POU2AF1: variants seen among roughly 807,000 people sequenced by gnomAD.
POU2AF1 encodes the protein POU class 2 homeobox associating factor 1.
A neutral mutation model predicts 26.3 loss-of-function variants in POU2AF1; 12 were observed. The ratio of observed to expected loss-of-function variants is 0.46; its 90% CI spans 0.29 to 0.74. The LOEUF (loss-of-function observed/expected upper bound fraction) is 0.74, where lower values mean the gene tolerates loss of function less well. Among genes scored for constraint, POU2AF1 ranks in the 30% least tolerant of loss-of-function variants. The pLI is 0.09. For synonymous variants in POU2AF1, 175 were observed against 148.0 expected (o/e 1.18, Z -1.32); for missense variants, 297 against 334.5 (o/e 0.89, Z 0.87).
intron 1 of POU2AF1, chr11:111,377,656 A>C (rs975702203): frequency 5.8e-5 from 10 of 170,964 alleles, no homozygotes; most frequent in Non-Finnish European, 7.6e-5. Context: ...TTGCTCATAG[A>C]AGGTAGGAGC....
chr11:111,364,765 T>C (rs1176358089), intron 1 of POU2AF1, among the ~76,000 whole-genome samples: 2 of 152,168 alleles, frequency 1.3e-5, no homozygotes, highest in Non-Finnish European at 2.9e-5. Context: ...CTGAGAGTAC[T>C]CTCCATTCAC....
chr11:111,357,894 T>A (rs1208591241), intron 2 of POU2AF1, 57 bp from the exon 3 acceptor site: 1 of 1,507,044 alleles, frequency 6.6e-7, no homozygotes, highest in East Asian at 2.3e-5. Flanking sequence ...ACCGGCCCTG[T>A]GCAGAGAACT....
chr11:111,370,107 G>T (rs2135132879), intron 1 of POU2AF1, among the ~76,000 whole-genome samples: 1 of 152,300 alleles, frequency 6.6e-6, no homozygotes, highest in East Asian at 1.9e-4. Flanking sequence ...GGCTCATGGT[G>T]GCCTGGGGTG....
intron 1 of POU2AF1, among the ~76,000 whole-genome samples, chr11:111,372,053 C>CAGAGAGAGAGAGAGAGAG (rs1452632987): frequency 1.6e-5 from 2 of 128,168 alleles, no homozygotes; most frequent in African/African-American, 6.8e-5. Context: ...CACACACACA[C>CAGAGAGAGAGAGAGAGAG]ACACACACAC....
rs1318462806 is a variant in POU2AF1 at position 111,358,698 on chromosome 11, TCA to T, written c.147+88_147+89del. On this transcript the variant is annotated intron_variant, in intron 2 of 4. Transcript: ENST00000393067. ...CACATACACACACGCATACACATAC[TCA>T]CACACACATACACTCTCACACTATC... 3.2e-5 allele frequency: 46 copies of T among 1,450,638 alleles called. 1 individual carries two copies. The South Asian group carries it at 3.2e-4, about 10-fold the overall frequency. 89.9% of individuals were successfully genotyped at this position (1,450,638 alleles called of 1,614,324 possible). A position where few individuals can be genotyped will look rare whatever the true frequency, so the allele number is the denominator to read the frequency against.
intron 1 of POU2AF1, among the ~76,000 whole-genome samples, chr11:111,370,339 T>A (rs1591202954): frequency 6.6e-6 from 1 of 152,168 alleles, no homozygotes; most frequent in African/African-American, 2.4e-5. Flanking sequence ...TCCTCTTTAT[T>A]CACAAGAGAC....
At chr11:111,374,798 G>A (rs1002243159) in intron 1 of POU2AF1, among the ~76,000 whole-genome samples, 30 of 152,200 alleles carry the variant, frequency 2.0e-4, no homozygotes, top group African/African-American at 7.2e-4. Flanking sequence ...AGAAATATTA[G>A]AGGTTGTCCA....
At chr11:111,374,276 G>C (rs1485013619) in intron 1 of POU2AF1, among the ~76,000 whole-genome samples, 1 of 152,104 alleles carries the variant, frequency 6.6e-6, no homozygotes, top group East Asian at 1.9e-4. Flanking sequence ...TATCCATCAA[G>C]AACATCATCT....
At chr11:111,366,103 G>A (rs1181752829) in intron 1 of POU2AF1, among the ~76,000 whole-genome samples, 1 of 152,162 alleles carries the variant, frequency 6.6e-6, no homozygotes, top group Non-Finnish European at 1.5e-5. Flanking sequence ...GTTGGGTTTT[G>A]GCCAAAGGTT....
In POU2AF1 at chr11:111,362,351, C is replaced by T. The variant is rs116143738; in HGVS notation, c.17-3433G>A. Among the ~76,000 whole-genome samples the T allele has an allele frequency of 4.8e-3, 724 of 152,174 alleles. 10 individuals are homozygous for T. The highest frequency in any genetic ancestry group is 0.017 in the African/African-American group (686 of 41,518). ...TACTTTTAGTTATTTTTAAGTGTAC[C>T]ATAAATTATTGTTGACTATAGTCAC... On this transcript the variant is annotated intron_variant, in intron 1 of 4. Coordinates refer to ENST00000393067, the MANE Select transcript of POU2AF1 (RefSeq NM_006235.3).
chr11:111,360,735 G>A (rs1405743556), intron 1 of POU2AF1, among the ~76,000 whole-genome samples: 1 of 152,102 alleles, frequency 6.6e-6, no homozygotes, highest in Admixed American at 6.5e-5. Flanking sequence ...CACAAGGTCA[G>A]GAGATTAAGA....
intron 2 of POU2AF1, among the ~76,000 whole-genome samples, chr11:111,358,319 CGT>C (rs1339289094): frequency 2.1e-5 from 3 of 144,310 alleles, no homozygotes; most frequent in Non-Finnish European, 3.0e-5. Flanking sequence ...CTCTCACACA[CGT>C]ACTCTCTCAC....
At chr11:111,355,446 G>C (rs530071364) in intron 4 of POU2AF1, among the ~76,000 whole-genome samples, 1 of 152,322 alleles carries the variant, frequency 6.6e-6, no homozygotes, top group South Asian at 2.1e-4. Flanking sequence ...AGATAGAAGA[G>C]GATGCTCTCT....
At chr11:111,363,090 C>T in intron 1 of POU2AF1, 1 of 986,974 alleles carries the variant, frequency 1.0e-6, no homozygotes, top group Non-Finnish European at 1.2e-6. Flanking sequence ...GAGTATCACC[C>T]TCTAATGTCT....
intron 1 of POU2AF1, among the ~76,000 whole-genome samples, chr11:111,377,248 C>T (rs1054048626): frequency 2.7e-5 from 4 of 149,584 alleles, no homozygotes; most frequent in African/African-American, 7.3e-5. Flanking sequence ...GGTGTGGTGG[C>T]GGGCACCTGT....
Position 111,354,358 on chromosome 11 carries a change from C to T in POU2AF1, c.674G>A (p.Arg225Lys), listed in dbSNP as rs1256417642. The T allele has an allele frequency of 1.2e-6, 2 of 1,614,214 alleles. No individual in the cohort carries two copies. The highest frequency in any genetic ancestry group is 1.7e-5 in the Admixed American group (1 of 60,030). The change falls in exon 5 of 5, where the codon AGA becomes AAA. Residue 225 changes from arginine to lysine, a missense_variant. Transcript: ENST00000393067. The stretch of plus-strand genomic sequence containing the variant: ...GTCGATGGTCAACGAGCTGGCGGCT[C>T]TTCTGGGGTCTTCCATGTCCTGAAG... ...PVLQDMEDPRRAASSLTIDKL... is the reference protein window; with the variant it reads ...PVLQDMEDPRKAASSLTIDKL...
intron 1 of POU2AF1, among the ~76,000 whole-genome samples, chr11:111,373,007 T>C (rs970187196): frequency 1.3e-5 from 2 of 152,090 alleles, no homozygotes; most frequent in African/African-American, 4.8e-5. Context: ...GGATGGCAGA[T>C]TAGAAAGGAA....
rs1233619957 is a variant in POU2AF1, at chr11:111,352,606, G to C, written c.*1655C>G. On this transcript the variant is annotated 3_prime_UTR_variant, in exon 5 of 5. Transcript: ENST00000393067. ...GAGGGGGCCTTGGTTCCACAGAATGGTGGCTTATGGACGCTTTTAAGACAC... is the reference window on the plus strand; with the variant it reads ...GAGGGGGCCTTGGTTCCACAGAATGCTGGCTTATGGACGCTTTTAAGACAC... The C allele has an allele frequency of 1.7e-5, 3 of 179,468 alleles. No homozygotes were observed. The East Asian group carries it at 2.8e-4, about 17-fold the overall frequency. 11.1% of individuals were successfully genotyped at this position (179,468 alleles called of 1,614,324 possible). A position where few individuals can be genotyped will look rare whatever the true frequency, so the allele number is the denominator to read the frequency against.
At chr11:111,364,088 C>A (rs1299731759) in intron 1 of POU2AF1, 4 of 777,936 alleles carry the variant, frequency 5.1e-6, no homozygotes, top group Middle Eastern at 6.5e-4. Flanking sequence ...CCAAAATGAG[C>A]AATGAAACAA....
Sources: allele counts gnomAD v4.1 joint callset (sites outside exome capture counted in the v4.1 genomes callset), GRCh38; gene constraint gnomAD v4.1.1; transcripts MANE v1.5; gene names NCBI Gene and HGNC (gene_info 2026-07-23, HGNC 2026-07-21).